ITPR2: variants seen among roughly 807,000 people sequenced by gnomAD.
ITPR2 encodes the protein inositol 1,4,5-trisphosphate receptor type 2, also known as inositol 1,4,5-trisphosphate-gated calcium channel ITPR2.
In ITPR2, 207 loss-of-function variants were observed where a neutral mutation model predicts 317.1. The ratio of observed to expected loss-of-function variants is 0.65; its 90% CI spans 0.58 to 0.73. ITPR2 has a LOEUF of 0.73. Among genes scored for constraint, ITPR2 ranks in the 30% least tolerant of loss-of-function variants. ITPR2 has a pLI of 0.00. For missense variants in ITPR2, 2,613 were observed against 3,284.0 expected (o/e 0.80, Z 4.99); for synonymous variants, 1,156 against 1,149.1 (o/e 1.01, Z -0.12).
At chr12:26,745,229 A>T (rs1949299537) in intron 2 of ITPR2, among the ~76,000 whole-genome samples, 1 of 152,226 alleles carries the variant, frequency 6.6e-6, no homozygotes, top group African/African-American at 2.4e-5. Context: ...TTATCCTTGA[A>T]CAAACACAGA....
intron 13 of ITPR2, among the ~76,000 whole-genome samples, chr12:26,667,617 A>G (rs1230860385): frequency 1.3e-5 from 2 of 152,258 alleles, no homozygotes; most frequent in Admixed American, 1.3e-4. Context: ...CTCTTAAAAC[A>G]AAACAAAACA....
rs752731482 is a variant in ITPR2 at position 26,340,162 on chromosome 12, C to T, written c.8019+5G>A. 1.3e-6 allele frequency: 2 copies of T among 1,595,684 alleles called. No homozygotes were observed. Among genetic ancestry groups the T allele is most frequent in the Non-Finnish European group, 1.7e-6 (2 of 1,170,892 alleles). On this transcript the variant is annotated splice_donor_5th_base_variant and intron_variant, in intron 56 of 56. Transcript: ENST00000381340. ...ACCCAGCCCCATCTCCCTGAATGCA[C>T]CCACCTGCTCCTTGAGCTCCGCCAG...
chr12:26,413,934 T>C (rs1467339075), intron 51 of ITPR2, among the ~76,000 whole-genome samples: 9 of 152,280 alleles, frequency 5.9e-5, no homozygotes, highest in African/African-American at 1.9e-4. Flanking sequence ...AATTCATAAA[T>C]TACGATTCAG....
At chr12:26,647,415 T>A (rs1947137222) in intron 21 of ITPR2, among the ~76,000 whole-genome samples, 1 of 152,202 alleles carries the variant, frequency 6.6e-6, no homozygotes, top group South Asian at 2.1e-4. Context: ...CCCATGCTGT[T>A]GTAAAAGAAA....
At chr12:26,690,673 C>T (rs576363655) in intron 10 of ITPR2, among the ~76,000 whole-genome samples, 3 of 152,308 alleles carry the variant, frequency 2.0e-5, no homozygotes, top group South Asian at 4.1e-4. Context: ...CTACAGAATG[C>T]CCTCCTACCC....
intron 34 of ITPR2, among the ~76,000 whole-genome samples, chr12:26,572,706 T>C (rs913815434): frequency 1.1e-4 from 17 of 152,236 alleles, no homozygotes; most frequent in African/African-American, 4.1e-4. Context: ...TAACAGAAAT[T>C]AAGTATGGTT....
At chr12:26,784,413 C>G (rs1408372298) in intron 2 of ITPR2, among the ~76,000 whole-genome samples, 2 of 147,842 alleles carry the variant, frequency 1.4e-5, no homozygotes, top group Admixed American at 1.3e-4. Context: ...CAAGGCTGGA[C>G]GGTGCTGCTG....
chr12:26,643,162 T>C (rs1440840269), intron 21 of ITPR2, among the ~76,000 whole-genome samples: 1 of 152,122 alleles, frequency 6.6e-6, no homozygotes, highest in Non-Finnish European at 1.5e-5. Flanking sequence ...AGACCCCCAC[T>C]GGACACCAAA....
intron 52 of ITPR2, among the ~76,000 whole-genome samples, chr12:26,410,586 A>G (rs1368872774): frequency 6.6e-6 from 1 of 152,178 alleles, no homozygotes; most frequent in East Asian, 1.9e-4. Context: ...CCCTCTGTAG[A>G]TACAACACAT....
chr12:26,355,446 T>C (rs186140998), intron 55 of ITPR2, among the ~76,000 whole-genome samples: 13 of 152,304 alleles, frequency 8.5e-5, no homozygotes, highest in African/African-American at 2.9e-4. Context: ...GTGACAGTAT[T>C]TGGGCAGCTT....
rs1317426589 is a variant in ITPR2 at position 26,655,992 on chromosome 12, T to C, written c.2445-140A>G. 4.8e-6 allele frequency: 4 copies of C among 826,196 alleles called. No individual in the cohort carries two copies. The African/African-American group carries it at 5.1e-5, about 11-fold the overall frequency. The allele number at this position is 826,196 out of a possible 1,614,324, so 51.2% of individuals were successfully genotyped here. On this transcript the variant is annotated intron_variant, in intron 19 of 56. Transcript: ENST00000381340. ...AGAGGCTGGGTCCTCATCTGTAAAA[T>C]GGGGCTATTGTGAAATGAGTTAGCA...
At chr12:26,814,651 T>C (rs1205626726) in intron 1 of ITPR2, among the ~76,000 whole-genome samples, 1 of 152,140 alleles carries the variant, frequency 6.6e-6, no homozygotes, top group African/African-American at 2.4e-5. Flanking sequence ...TATAAAGTGG[T>C]TTATTCTTCA....
rs1018083376 is a variant in ITPR2 at position 26,722,556 on chromosome 12, C to A, written c.367-1G>T. ...ATTTGTTGCTTTTTATATGCAGTAG[C>A]TATAGGGAAAAGACATAGATTACCA... On this transcript the variant is annotated splice_acceptor_variant, in intron 4 of 56. Coordinates refer to ENST00000381340, the MANE Select transcript of ITPR2 (RefSeq NM_002223.4). LOFTEE classifies it high-confidence loss of function. The A allele has an allele frequency of 1.2e-6, 2 of 1,607,216 alleles. No homozygotes were observed. The highest frequency in any genetic ancestry group is 1.7e-6 in the Non-Finnish European group (2 of 1,175,174).
intron 5 of ITPR2, among the ~76,000 whole-genome samples, chr12:26,717,441 C>T (rs539612008): frequency 2.0e-5 from 3 of 152,204 alleles, no homozygotes; most frequent in Non-Finnish European, 2.9e-5. Context: ...AGCTCACCAA[C>T]CAAACAAAGA....
In ITPR2 at chr12:26,596,132, C is replaced by CA. The variant is rs533254852; in HGVS notation, c.4255-543dup. Reference sequence around the variant, plus strand: ...CATATTTTCAAGAATGCATCTATTCCATAAAGCCAGGTAAACCTGCAGAGT... The same window carrying CA: ...CATATTTTCAAGAATGCATCTATTCCAATAAAGCCAGGTAAACCTGCAGAGT... On this transcript the variant is annotated intron_variant, in intron 31 of 56. Coordinates refer to ENST00000381340, the MANE Select transcript of ITPR2 (RefSeq NM_002223.4). Among the ~76,000 whole-genome samples, 3 of 152,316 alleles carry CA rather than the reference C, an allele frequency of 2.0e-5. No individual in the cohort carries two copies. The South Asian group carries it at 6.2e-4, about 32-fold the overall frequency.
At chr12:26,780,346 C>A (rs1017222236) in intron 2 of ITPR2, among the ~76,000 whole-genome samples, 1 of 152,210 alleles carries the variant, frequency 6.6e-6, no homozygotes, top group East Asian at 1.9e-4. Context: ...TAGACACTTA[C>A]TCCAGATATG....
At chr12:26,776,207 A>G (rs1949965877) in intron 2 of ITPR2, among the ~76,000 whole-genome samples, 1 of 152,010 alleles carries the variant, frequency 6.6e-6, no homozygotes, top group Non-Finnish European at 1.5e-5. Context: ...GACACTCCTG[A>G]CTCACCACTC....
chr12:26,362,238 C>T (rs947168066), intron 55 of ITPR2, among the ~76,000 whole-genome samples: 5 of 152,202 alleles, frequency 3.3e-5, no homozygotes, highest in African/African-American at 1.2e-4. Context: ...GTTCAACCTG[C>T]ACTTCCTCAG....
At chr12:26,346,447 AC>A (rs1211245883) in intron 55 of ITPR2, among the ~76,000 whole-genome samples, 1 of 152,124 alleles carries the variant, frequency 6.6e-6, no homozygotes, top group Non-Finnish European at 1.5e-5. Context: ...TCATGGTGAA[AC>A]CCTGCCTCTG....
Sources: gnomAD v4.1 joint callset for allele counts (sites outside exome capture counted in the v4.1 genomes callset) on GRCh38, gnomAD v4.1.1 for gene constraint, MANE v1.5 for transcripts, NCBI Gene and HGNC (gene_info 2026-07-23, HGNC 2026-07-21) for gene names.